OBSL1: variants seen among roughly 807,000 people sequenced by gnomAD.
The protein encoded by OBSL1 is obscurin like cytoskeletal adaptor 1, also known as obscurin-like protein 1.
A neutral mutation model predicts 172.0 loss-of-function variants in OBSL1; 160 were observed. The ratio of observed to expected loss-of-function variants is 0.93; its 90% CI spans 0.82 to 1.06. The LOEUF (loss-of-function observed/expected upper bound fraction) is 1.06, where lower values mean the gene tolerates loss of function less well. Among genes scored for constraint, OBSL1 ranks in the 50% least tolerant of loss-of-function variants. The pLI is 0.00. For synonymous variants in OBSL1, 1,200 were observed against 1,196.3 expected, an observed-to-expected ratio of 1.00 and a Z score of -0.06; for missense variants, 2,681 against 2,715.4, an observed-to-expected ratio of 0.99 and a Z score of 0.28.
chr2:219,563,948 C>T (rs1696685989), intron 6 of OBSL1, among the ~76,000 whole-genome samples: 1 of 152,134 alleles, frequency 6.6e-6, no homozygotes, highest in Non-Finnish European at 1.5e-5. Flanking sequence ...AGGTCACTGT[C>T]ACAAGTCACA....
rs932603586 is a variant in OBSL1, at chr2:219,557,939, C to A, written c.3674G>T (p.Gly1225Val). Residue 1225 changes from glycine (G) to valine (V), a missense_variant, in exon 11 of 21, where the codon GGC becomes GTC. By Grantham distance (109) the Gly-to-Val change is moderately radical. This residue lies in a region of OBSL1 where 1,765 missense variants were observed against 1,748.3 expected (regional missense o/e 1.01). Coordinates refer to ENST00000404537, the MANE Select transcript of OBSL1 (RefSeq NM_015311.3). ...CTGGATGCAGAGGACTCGGCGGGGGCCCTCGGCATGGAGCTCTAGGCCCTC... is the reference window on the plus strand; with the variant it reads ...CTGGATGCAGAGGACTCGGCGGGGGACCTCGGCATGGAGCTCTAGGCCCTC... Reference protein sequence around the residue: ...EGEGLELHAEGPRRVLCIQAA... With the variant: ...EGEGLELHAEVPRRVLCIQAA... The A allele has an allele frequency of 6.2e-7, 1 of 1,602,822 alleles. No individual in the cohort carries two copies. The highest frequency in any genetic ancestry group is 2.2e-5 in the East Asian group (1 of 44,746).
rs1574578796 is a variant in OBSL1 at position 219,568,389 on chromosome 2, C to T, written c.1013-65G>A. On this transcript the variant is annotated intron_variant, in intron 1 of 20. Transcript: ENST00000404537. This position sits in a 1 kb window ranked among gnomAD's most constrained non-coding sequence, Gnocchi z 4.1. ...GAAGGCCCAGACTAGGAGTAGGATA[C>T]CTAGAAGCGCATTAGCTCATGCTGT... 1 of 1,454,896 alleles carries T rather than the reference C, an allele frequency of 6.9e-7. No individual in the cohort carries two copies. The highest frequency in any genetic ancestry group is 9.2e-7 in the Non-Finnish European group (1 of 1,082,702). The allele number at this position is 1,454,896 out of a possible 1,614,324, so 90.1% of individuals were successfully genotyped here.
Position 219,570,726 on chromosome 2 carries a change from G to T in OBSL1, c.507C>A (p.Asp169Glu). The T allele has an allele frequency of 6.6e-7, 1 of 1,510,018 alleles. No homozygotes were observed. The allele number at this position is 1,510,018 out of a possible 1,614,324, so 93.5% of individuals were successfully genotyped here. ...CGAAGTGGCTGCTGTCCCACACTTC[G>T]TCCAGGGCCATCCCGTCCTTCTCCC... is the stretch of plus-strand genomic sequence containing the variant. ...LYWEKDGMAL[D>E]EVWDSSHFAL... Residue 169 changes from aspartate (D) to glutamate (E), a missense_variant, in exon 1 of 21, where the codon GAC becomes GAA. Asp to Glu is a conservative substitution (Grantham distance 45). Around this residue, in one of 5 missense-constraint regions of OBSL1, gnomAD observed 706 missense variants for 695.8 expected, o/e 1.01. Coordinates refer to ENST00000404537, the MANE Select transcript of OBSL1 (RefSeq NM_015311.3).
intron 16 of OBSL1, 36 bp from the exon 17 acceptor site, chr2:219,553,060 C>G: frequency 1.4e-6 from 2 of 1,440,314 alleles, no homozygotes; most frequent in Admixed American, 2.8e-5. Flanking sequence ...GGGGCGAGCC[C>G]GGCTGGGCAC....
intron 6 of OBSL1, among the ~76,000 whole-genome samples, chr2:219,564,288 A>G (rs1016258122): frequency 6.6e-6 from 1 of 152,204 alleles, no homozygotes; most frequent in East Asian, 1.9e-4. Flanking sequence ...CAGCCTACGG[A>G]CTGCCTTGTG....
chr2:219,557,651 G>A (rs895673362), intron 11 of OBSL1, 33 bp from the exon 12 acceptor site: 4 of 1,512,262 alleles, frequency 2.6e-6, no homozygotes, highest in Admixed American at 4.3e-5. Context: ...CACTGGGAGG[G>A]AGAGGCTCAG....
Position 219,559,370 on chromosome 2 carries a change from C to T in OBSL1, c.3081G>A (p.Leu1027=). The T allele has an allele frequency of 1.2e-6, 2 of 1,614,032 alleles. No individual in the cohort carries two copies. The highest frequency in any genetic ancestry group is 1.1e-5 in the South Asian group (1 of 91,086). Residue 1027 remains leucine (L), a synonymous_variant, in exon 9 of 21, where the codon CTG becomes CTA. Transcript: ENST00000404537. ...CCAGGGCCTCGCTCTCCTCCACTTC[C>T]AGCCCATCCTTGTACCAGCGCACAG... ...DAPVRWYKDG[L]EVEESEALVL...
downstream of OBSL1, chr2:219,550,005 G>A (rs768523721): frequency 2.5e-5 from 28 of 1,100,592 alleles, no homozygotes; most frequent in Non-Finnish European, 3.3e-5. Context: ...TGTCTCAGGC[G>A]AGTCTTGGCC....
Position 219,553,578 on chromosome 2 carries a change from T to C in OBSL1, c.4985A>G (p.Glu1662Gly). 1 of 1,612,888 alleles carries C rather than the reference T, an allele frequency of 6.2e-7. No individual in the cohort carries two copies. Among genetic ancestry groups the C allele is most frequent in the Non-Finnish European group, 8.5e-7 (1 of 1,179,190 alleles). Residue 1662 changes from glutamate (E) to glycine (G), a missense_variant, in exon 16 of 21, where the codon GAG (glutamate) becomes GGG (glycine). By Grantham distance (98) the Glu-to-Gly change is moderately conservative. This residue lies in a region of OBSL1 where 1,765 missense variants were observed against 1,748.3 expected (regional missense o/e 1.01). Coordinates refer to ENST00000404537, the MANE Select transcript of OBSL1 (RefSeq NM_015311.3). ...LSQALADVTW[E>G]KDGNALTPSP... ...TGGCTGGGGCTGGGATCTGACCTTCTCCCAGGTAACATCAGCCAAAGCTTG... is the reference window on the plus strand; with the variant it reads ...TGGCTGGGGCTGGGATCTGACCTTCCCCCAGGTAACATCAGCCAAAGCTTG...
chr2:219,566,452 G>A (rs893000809), intron 5 of OBSL1, among the ~76,000 whole-genome samples: 1 of 152,190 alleles, frequency 6.6e-6, no homozygotes, highest in Non-Finnish European at 1.5e-5. Context: ...GATTAGGACT[G>A]CGCCTGGCAC....
intron 7 of OBSL1, chr2:219,562,884 G>C: frequency 1.6e-6 from 1 of 617,544 alleles, no homozygotes; most frequent in Middle Eastern, 4.4e-4. Flanking sequence ...TGCTGCGCAG[G>C]AGCTGCACAG....
In OBSL1 at chr2:219,570,696, G is replaced by A. The variant is rs1007512209; in HGVS notation, c.537C>T (p.Leu179=). The A allele has an allele frequency of 2.6e-6, 4 of 1,509,710 alleles. No individual in the cohort carries two copies. The highest frequency in any genetic ancestry group is 2.9e-5 in the African/African-American group (2 of 69,292). The allele number at this position is 1,509,710 out of a possible 1,614,324, so 93.5% of individuals were successfully genotyped here. A position where few individuals can be genotyped will look rare whatever the true frequency, so the allele number is the denominator to read the frequency against. ...DEVWDSSHFA[L]QPGRAEDGPG... The stretch of plus-strand genomic sequence containing the variant: ...GGCCGTCCTCGGCGCGGCCCGGCTG[G>A]AGCGCGAAGTGGCTGCTGTCCCACA... The change falls in exon 1 of 21, where the codon CTC becomes CTT. Residue 179 remains leucine, a synonymous_variant. Coordinates refer to ENST00000404537, the MANE Select transcript of OBSL1 (RefSeq NM_015311.3).
At chr2:219,548,066 G>C, downstream of OBSL1, 1 of 1,564,466 alleles carries the variant, frequency 6.4e-7, no homozygotes, top group Non-Finnish European at 8.6e-7. Context: ...AGCTGAGGGG[G>C]ACTCCCACAC....
chr2:219,549,094 C>A, downstream of OBSL1: 1 of 1,599,038 alleles, frequency 6.3e-7, no homozygotes, highest in Non-Finnish European at 8.6e-7. Flanking sequence ...AGAGGGAGGG[C>A]TCAAGGGAAA....
chr2:219,552,058 ATGGCAGGAGAGACAGGAT>A (rs757999069), intron 19 of OBSL1, 36 bp downstream of exon 19: 221 of 1,497,950 alleles, frequency 1.5e-4, no homozygotes, highest in Non-Finnish European at 1.8e-4. Context: ...CGTCAGTCCC[ATGGCAGGAGAGACAGGAT>A]GTACACTCTC....
downstream of OBSL1, chr2:219,548,218 G>A (rs757256189): frequency 7.3e-6 from 6 of 818,188 alleles, no homozygotes; most frequent in African/African-American, 1.7e-5. Flanking sequence ...CAGGGTCTGG[G>A]AGGATAGCAC....
Position 219,571,017 on chromosome 2 carries a change from G to A in OBSL1, c.216C>T (p.Thr72=). 1 of 1,438,606 alleles carries A rather than the reference G, an allele frequency of 7.0e-7. No individual in the cohort carries two copies. The highest frequency in any genetic ancestry group is 9.1e-7 in the Non-Finnish European group (1 of 1,096,826). The allele number at this position is 1,438,606 out of a possible 1,614,324, so 89.1% of individuals were successfully genotyped here. A position where few individuals can be genotyped will look rare whatever the true frequency, so the allele number is the denominator to read the frequency against. Residue 72 remains threonine (T), a synonymous_variant, in exon 1 of 21, where the codon ACC becomes ACT. Coordinates refer to ENST00000404537, the MANE Select transcript of OBSL1 (RefSeq NM_015311.3). ...ADGAEHGLLL[T]AALPTDAGVY... ...CCCCCGCGTCGGTGGGCAGTGCGGC[G>A]GTCAGCAGCAGGCCGTGCTCCGCGC... is the stretch of plus-strand genomic sequence containing the variant.
In OBSL1 at chr2:219,565,481, C is replaced by T. The variant is rs1039898; in HGVS notation, c.2168G>A (p.Arg723Lys). 0.89 allele frequency: 1,427,589 copies of T among 1,610,938 alleles called. 635,987 individuals carry two copies. The highest frequency in any genetic ancestry group is 0.91 in the Non-Finnish European group (1,071,820 of 1,179,822). ...SPVHILSPQD[R>K]VSLTFTTSER... is the part of the protein sequence containing the mutation. ...TGAGGTTGTGAAGGTCAACGACACC[C>T]TGTCCTGGGGGCTCAGGATGTGCAC... Residue 723 changes from arginine (R) to lysine (K), a missense_variant, in exon 6 of 21, where the codon AGG (arginine) becomes AAG (lysine). Physicochemically the swap from Arg to Lys is conservative, Grantham distance 26 (BLOSUM62 2). Around this residue, in one of 5 missense-constraint regions of OBSL1, gnomAD observed 1,765 missense variants for 1,748.3 expected, o/e 1.01. Coordinates refer to ENST00000404537, the MANE Select transcript of OBSL1 (RefSeq NM_015311.3).
intron 16 of OBSL1, 88 bp downstream of exon 16, chr2:219,553,486 C>T (rs1485439930): frequency 1.1e-5 from 11 of 963,552 alleles, no homozygotes; most frequent in African/African-American, 9.7e-5. Context: ...CAGGCACATC[C>T]GCTCAAGGAA....
Sources: allele counts gnomAD v4.1 joint callset (sites outside exome capture counted in the v4.1 genomes callset), GRCh38; gene constraint gnomAD v4.1.1; regional missense constraint gnomAD v4.1.1; non-coding constraint Gnocchi (gnomAD v3.1); transcripts MANE v1.5; gene names NCBI Gene and HGNC (gene_info 2026-07-23, HGNC 2026-07-21).